Variants in SRBD1 observed in about 807,000 individuals in gnomAD.
The protein encoded by SRBD1 is S1 RNA binding domain 1.
SRBD1 carries 88 observed loss-of-function variants against 115.3 expected under a neutral mutation model. That is an observed-to-expected ratio of 0.76 (90% CI 0.64 to 0.91). SRBD1 has a LOEUF of 0.91. Ranked by LOEUF, SRBD1 falls within the 40% of genes least tolerant of loss-of-function variation. The pLI is 0.00. For missense variants in SRBD1, 1,385 were observed against 1,177.4 expected, an observed-to-expected ratio of 1.18 and a Z score of -2.58; for synonymous variants, 509 against 407.7, an observed-to-expected ratio of 1.25 and a Z score of -2.99.
Position 45,553,434 on chromosome 2 carries a change from T to C in SRBD1, c.1517+189A>G, listed in dbSNP as rs1412807975. On this transcript the variant is annotated intron_variant, in intron 11 of 20. Coordinates refer to ENST00000263736, the MANE Select transcript of SRBD1 (RefSeq NM_018079.5). Reference sequence around the variant, plus strand: ...TGAAAAACATATCATAATTAAGAACTATTTTTATGATCTATGCATGTGAAT... The same window carrying C: ...TGAAAAACATATCATAATTAAGAACCATTTTTATGATCTATGCATGTGAAT... 2.0e-5 allele frequency among the ~76,000 whole-genome samples: 3 copies of C among 152,232 alleles called. No homozygotes were observed. In the East Asian group the frequency reaches 5.8e-4, roughly 29 times the overall value.
intron 18 of SRBD1, among the ~76,000 whole-genome samples, chr2:45,413,785 G>C (rs1472852374): frequency 6.6e-6 from 1 of 151,996 alleles, no homozygotes; most frequent in East Asian, 1.9e-4. Context: ...AAAATTAGCT[G>C]GGTGTGGTGG....
In SRBD1 at chr2:45,459,956, C is replaced by T. The variant is rs1669265363; in HGVS notation, c.2049+17037G>A. Among the ~76,000 whole-genome samples, 3 of 152,168 alleles carry T rather than the reference C, an allele frequency of 2.0e-5. No individual in the cohort carries two copies. The South Asian group carries it at 6.2e-4, about 32-fold the overall frequency. ...CTCAGGGAAATTTTCACTAAACACA[C>T]CCTGAATAACCCAACGGCAAGGATG... On this transcript the variant is annotated intron_variant, in intron 16 of 20. Transcript: ENST00000263736.
At chr2:45,464,540 A>G (rs1032308484) in intron 16 of SRBD1, among the ~76,000 whole-genome samples, 1 of 152,230 alleles carries the variant, frequency 6.6e-6, no homozygotes, top group African/African-American at 2.4e-5. Context: ...CATACACTGA[A>G]TTACACAAAG....
chr2:45,570,765 T>C (rs188554857), intron 9 of SRBD1, among the ~76,000 whole-genome samples: 3 of 152,280 alleles, frequency 2.0e-5, no homozygotes, highest in Admixed American at 1.3e-4. Flanking sequence ...AGGAGCAATA[T>C]GGACCTTATT....
intron 4 of SRBD1, among the ~76,000 whole-genome samples, chr2:45,587,285 A>G (rs896578215): frequency 6.8e-6 from 1 of 147,726 alleles, no homozygotes. Flanking sequence ...TAATATTAAA[A>G]TACTAATATT....
chr2:45,556,448 CTTTTT>C (rs59284495), intron 10 of SRBD1, among the ~76,000 whole-genome samples: 5 of 78,822 alleles, frequency 6.3e-5, no homozygotes, highest in East Asian at 3.9e-4. Context: ...TGCTCTATTA[CTTTTT>C]TTTTTTTTTT....
chr2:45,553,805 G>A (rs1672382599), intron 10 of SRBD1, 75 bp from the exon 11 acceptor site: 1 of 916,844 alleles, frequency 1.1e-6, no homozygotes, highest in Non-Finnish European at 1.6e-6. Flanking sequence ...CAAAAAGAAG[G>A]GAGATGGAAT....
Position 45,500,228 on chromosome 2 carries a change from CTG to C in SRBD1, c.1875-11899_1875-11898del, listed in dbSNP as rs60622580. Among the ~76,000 whole-genome samples, 46 of 146,518 alleles carry C rather than the reference CTG, an allele frequency of 3.1e-4. No individual in the cohort carries two copies. The South Asian group carries it at 5.1e-3, about 16-fold the overall frequency. ...TTTGACTTCTTTGATTAAATTTATCCTGTGTGTGTGTGTGTGTGTGTGTTTGG... is the reference window on the plus strand; with the variant it reads ...TTTGACTTCTTTGATTAAATTTATCCTGTGTGTGTGTGTGTGTGTGTTTGG... On this transcript the variant is annotated intron_variant, in intron 14 of 20. Coordinates refer to ENST00000263736, the MANE Select transcript of SRBD1 (RefSeq NM_018079.5).
chr2:45,523,465 AAAAG>A (rs1205631345), intron 14 of SRBD1, among the ~76,000 whole-genome samples: 11 of 152,010 alleles, frequency 7.2e-5, no homozygotes, highest in East Asian at 3.9e-4. Flanking sequence ...CTGACCAAGA[AAAAG>A]AAAGAAAGAA....
intron 10 of SRBD1, among the ~76,000 whole-genome samples, chr2:45,561,483 T>C (rs1047723652): frequency 6.6e-6 from 1 of 152,258 alleles, no homozygotes; most frequent in Non-Finnish European, 1.5e-5. Context: ...AAATCCATGA[T>C]ACTTATTTTC....
intron 14 of SRBD1, among the ~76,000 whole-genome samples, chr2:45,511,529 C>A (rs1670968756): frequency 6.6e-6 from 1 of 152,168 alleles, no homozygotes; most frequent in South Asian, 2.1e-4. Flanking sequence ...AACATGCTCA[C>A]ATATAAGACC....
intron 14 of SRBD1, among the ~76,000 whole-genome samples, chr2:45,527,870 C>G (rs1228803814): frequency 6.6e-6 from 1 of 151,816 alleles, no homozygotes; most frequent in African/African-American, 2.4e-5. Context: ...TAAATTCCAA[C>G]TTACCTTGTT....
At chr2:45,417,086 A>G (rs984921431) in intron 18 of SRBD1, among the ~76,000 whole-genome samples, 3 of 152,228 alleles carry the variant, frequency 2.0e-5, no homozygotes, top group African/African-American at 7.2e-5. Flanking sequence ...AACTAACAAA[A>G]ACAGAATCAT....
intron 14 of SRBD1, among the ~76,000 whole-genome samples, chr2:45,533,185 T>A (rs567947474): frequency 6.6e-6 from 1 of 152,104 alleles, no homozygotes; most frequent in South Asian, 2.1e-4. Context: ...TGGTAGCAAT[T>A]GATATATCCC....
rs1490172133 is a variant in SRBD1 at position 45,575,060 on chromosome 2, T to C, written c.1073-337A>G. Among the ~76,000 whole-genome samples, 7 of 152,102 alleles carry C rather than the reference T, an allele frequency of 4.6e-5. No individual in the cohort carries two copies. In the East Asian group the frequency reaches 1.3e-3, roughly 29 times the overall value. ...TCTGTACCTCAGTTTCCTATAAAAA[T>C]GGAATCATAACAGTACCTCCTTTAT... On this transcript the variant is annotated intron_variant, in intron 7 of 20. Coordinates refer to ENST00000263736, the MANE Select transcript of SRBD1 (RefSeq NM_018079.5).
chr2:45,460,189 G>A (rs1349351228), intron 16 of SRBD1, among the ~76,000 whole-genome samples: 1 of 152,140 alleles, frequency 6.6e-6, no homozygotes, highest in Non-Finnish European at 1.5e-5. Context: ...TGGGCTGGAT[G>A]TCTTCTGCAT....
In SRBD1 at chr2:45,542,734, T is replaced by C. The variant is rs544718707; in HGVS notation, c.1874+3998A>G. 3.9e-5 allele frequency among the ~76,000 whole-genome samples: 6 copies of C among 152,362 alleles called. No homozygotes were observed. The South Asian group carries it at 8.3e-4, about 21-fold the overall frequency. On this transcript the variant is annotated intron_variant, in intron 14 of 20. Transcript: ENST00000263736. ...TAAGAGAAATGACAGCATATATCCA[T>C]ACAGACTTGTAAATGAATGCTCATG...
chr2:45,512,560 C>G (rs1671001904), intron 14 of SRBD1, among the ~76,000 whole-genome samples: 1 of 152,202 alleles, frequency 6.6e-6, no homozygotes, highest in Non-Finnish European at 1.5e-5. Context: ...TCGAACTCTA[C>G]TATTTCCATG....
intron 15 of SRBD1, among the ~76,000 whole-genome samples, chr2:45,480,100 C>T (rs971551979): frequency 1.1e-4 from 16 of 152,144 alleles, no homozygotes; most frequent in African/African-American, 3.6e-4. Flanking sequence ...AGATTCCCTT[C>T]AAAATATTAG....
Sources: allele counts gnomAD v4.1 joint callset (sites outside exome capture counted in the v4.1 genomes callset), GRCh38; gene constraint gnomAD v4.1.1; transcripts MANE v1.5; gene names NCBI Gene and HGNC (gene_info 2026-07-23, HGNC 2026-07-21).